The following BMP6 variants were observed in gnomAD, a reference collection of about 807,000 sequenced individuals.
BMP6 encodes the protein VG-1-R.
In BMP6, 17 loss-of-function variants were observed where a neutral mutation model predicts 54.1. The ratio of observed to expected loss-of-function variants is 0.31; its 90% CI spans 0.22 to 0.47. The LOEUF (loss-of-function observed/expected upper bound fraction) is 0.47. Ranked by LOEUF, BMP6 falls within the 20% of genes least tolerant of loss-of-function variation. The pLI, the probability that BMP6 is intolerant of heterozygous loss-of-function variation, is 1.00. For missense variants in BMP6, 720 were observed against 690.4 expected, an observed-to-expected ratio of 1.04 and a Z score of -0.48; for synonymous variants, 328 against 291.2, an observed-to-expected ratio of 1.13 and a Z score of -1.28.
At chr6:7,770,360 AAG>A (rs140647867) in intron 1 of BMP6, among the ~76,000 whole-genome samples, 4,869 of 152,250 alleles carry the variant, frequency 0.032, 113 homozygotes, top group Middle Eastern at 0.13. Context: ...ATAATAGTGA[AAG>A]AAAAATCCCT....
intron 1 of BMP6, among the ~76,000 whole-genome samples, chr6:7,759,696 CTTTTTTTTTTTTTTT>C (rs71542880): frequency 1.6e-5 from 1 of 62,152 alleles, no homozygotes; most frequent in Non-Finnish European, 2.5e-5. Flanking sequence ...CTTTCTTCTT[CTTTTTTTTTTTTTTT>C]TTTTTTTTTG....
Position 7,831,676 on chromosome 6 carries a change from T to G in BMP6, c.665-13464T>G, listed in dbSNP as rs114654431. Among the ~76,000 whole-genome samples, 600 of 152,342 alleles carry G rather than the reference T, an allele frequency of 3.9e-3. 5 individuals are homozygous for G. Among genetic ancestry groups the G allele is most frequent in the African/African-American group, 0.014 (575 of 41,576 alleles). On this transcript the variant is annotated intron_variant, in intron 1 of 6. Transcript: ENST00000283147. ...TGAAGTTTGCATCCTGAATTTAGAATGCAAAGCAGTATGTGGATGAGTATT... is the reference window on the plus strand; with the variant it reads ...TGAAGTTTGCATCCTGAATTTAGAAGGCAAAGCAGTATGTGGATGAGTATT...
At chr6:7,818,823 C>T (rs1315192779) in intron 1 of BMP6, among the ~76,000 whole-genome samples, 3 of 152,150 alleles carry the variant, frequency 2.0e-5, no homozygotes, top group Non-Finnish European at 2.9e-5. Context: ...CTTTTAGACA[C>T]GTTGATACTA....
At chr6:7,746,090 G>A (rs1055574999) in intron 1 of BMP6, among the ~76,000 whole-genome samples, 7 of 152,140 alleles carry the variant, frequency 4.6e-5, no homozygotes, top group South Asian at 2.1e-4. Context: ...AGGTATAGAG[G>A]CAAAGGCATT....
At chr6:7,794,193 A>T (rs1758157311) in intron 1 of BMP6, among the ~76,000 whole-genome samples, 1 of 152,106 alleles carries the variant, frequency 6.6e-6, no homozygotes, top group African/African-American at 2.4e-5. Flanking sequence ...TGTTCTGTCA[A>T]ACCTATTACT....
intron 1 of BMP6, among the ~76,000 whole-genome samples, chr6:7,832,237 G>A (rs267183): frequency 0.51 from 76,961 of 152,020 alleles, 20,118 homozygotes; most frequent in East Asian, 0.73. Flanking sequence ...TACTGCAATA[G>A]ACCGAATGTT....
chr6:7,855,079 G>A (rs1759204169), intron 2 of BMP6, among the ~76,000 whole-genome samples: 2 of 152,146 alleles, frequency 1.3e-5, no homozygotes, highest in African/African-American at 4.8e-5. Context: ...CACCCTGAGG[G>A]TCATGCCCAT....
At chr6:7,830,238 CTT>C (rs919841565) in intron 1 of BMP6, among the ~76,000 whole-genome samples, 26 of 152,152 alleles carry the variant, frequency 1.7e-4, no homozygotes, top group African/African-American at 5.3e-4. Context: ...ATCCTTTTTT[CTT>C]TTGACTCTCA....
intron 1 of BMP6, among the ~76,000 whole-genome samples, chr6:7,747,621 G>T (rs903821928): frequency 6.6e-6 from 1 of 152,122 alleles, no homozygotes; most frequent in Non-Finnish European, 1.5e-5. Flanking sequence ...CTGACACCTG[G>T]TTTTCAGCAC....
chr6:7,877,685 C>A (rs1275362592), intron 4 of BMP6, among the ~76,000 whole-genome samples: 2 of 151,956 alleles, frequency 1.3e-5, no homozygotes, highest in Non-Finnish European at 1.5e-5. Context: ...GCCAGGAAGA[C>A]TGGGAGTTAG....
intron 1 of BMP6, among the ~76,000 whole-genome samples, chr6:7,760,290 A>G (rs1377879006): frequency 6.6e-6 from 1 of 152,096 alleles, no homozygotes; most frequent in Non-Finnish European, 1.5e-5. Context: ...CTGTGAAATT[A>G]TAATTTATTT....
At chr6:7,806,784 C>T (rs554602278) in intron 1 of BMP6, among the ~76,000 whole-genome samples, 11 of 152,026 alleles carry the variant, frequency 7.2e-5, no homozygotes, top group Admixed American at 6.6e-4. Flanking sequence ...TCTTGTTGAA[C>T]TGTGATTGGA....
intron 1 of BMP6, among the ~76,000 whole-genome samples, chr6:7,785,563 G>A (rs1758008410): frequency 6.6e-6 from 1 of 152,134 alleles, no homozygotes; most frequent in African/African-American, 2.4e-5. Context: ...ACTCCAATTT[G>A]GTCTGAAGCT....
rs200336369 is a variant in BMP6, at chr6:7,730,882, C to T, written c.664+3263C>T. Among the ~76,000 whole-genome samples the T allele has an allele frequency of 2.4e-4, 36 of 152,312 alleles. No individual in the cohort carries two copies. In the East Asian group the frequency reaches 6.4e-3, roughly 27 times the overall value. On this transcript the variant is annotated intron_variant, in intron 1 of 6. Transcript: ENST00000283147. The stretch of plus-strand genomic sequence containing the variant: ...TATACCTACTAGGTTAAGTAAATTA[C>T]ACACTGGAAGTACAAGGGAAAGTAT...
chr6:7,879,170 G>A lies in BMP6; in HGVS notation c.1281+20G>A, dbSNP rs746009850. On this transcript the variant is annotated intron_variant, in intron 5 of 6. Coordinates refer to ENST00000283147, the MANE Select transcript of BMP6 (RefSeq NM_001718.6). Reference sequence around the variant, plus strand: ...TGGCAGGTGAGTTCTCTGGACACGGGGGATAAAGGTCCTTTCTCAGCAGTT... The same window carrying A: ...TGGCAGGTGAGTTCTCTGGACACGGAGGATAAAGGTCCTTTCTCAGCAGTT... 1 of 1,603,204 alleles carries A rather than the reference G, an allele frequency of 6.2e-7. No individual in the cohort carries two copies. Among genetic ancestry groups the A allele is most frequent in the Middle Eastern group, 1.7e-4 (1 of 6,034 alleles).
At chr6:7,834,185 CTTTTTTTTTTTTT>C (rs34020369) in intron 1 of BMP6, among the ~76,000 whole-genome samples, 4 of 107,624 alleles carry the variant, frequency 3.7e-5, no homozygotes, top group Non-Finnish European at 5.7e-5. Context: ...AGAACAAATG[CTTTTTTTTTTTTT>C]TTTTTTTAGG....
At chr6:7,834,853 A>AAT (rs994812299) in intron 1 of BMP6, among the ~76,000 whole-genome samples, 1 of 152,200 alleles carries the variant, frequency 6.6e-6, no homozygotes, top group Non-Finnish European at 1.5e-5. Flanking sequence ...TAGAAAGTCT[A>AAT]ATATATACCT....
At chr6:7,807,962 C>T (rs891178032) in intron 1 of BMP6, among the ~76,000 whole-genome samples, 5 of 146,182 alleles carry the variant, frequency 3.4e-5, no homozygotes, top group Admixed American at 6.8e-5. Flanking sequence ...GCTCTGTTGC[C>T]CAGGCTGGAG....
intron 1 of BMP6, among the ~76,000 whole-genome samples, chr6:7,739,073 C>T (rs1240236077): frequency 1.3e-5 from 2 of 152,172 alleles, no homozygotes; most frequent in African/African-American, 4.8e-5. Context: ...GACCTTTACC[C>T]TATGTCTCAC....
Sources: allele counts gnomAD v4.1 joint callset (sites outside exome capture counted in the v4.1 genomes callset), GRCh38; gene constraint gnomAD v4.1.1; transcripts MANE v1.5; gene names NCBI Gene and HGNC (gene_info 2026-07-23, HGNC 2026-07-21).